The following RGL1 variants were observed in gnomAD, a reference collection of about 807,000 sequenced individuals.
RGL1 encodes ral guanine nucleotide dissociation stimulator like 1.
A neutral mutation model predicts 95.2 loss-of-function variants in RGL1; 24 were observed. The ratio of observed to expected loss-of-function variants is 0.25; its 90% CI spans 0.18 to 0.35. RGL1 has a LOEUF of 0.35. Among genes scored for constraint, RGL1 ranks in the 10% least tolerant of loss-of-function variants. The pLI is 1.00. For missense variants in RGL1, 715 were observed against 936.3 expected (o/e 0.76, Z 3.08); for synonymous variants, 329 against 344.9 (o/e 0.95, Z 0.51).
At chr1:183,884,280 G>C (rs933831885) in intron 6 of RGL1, among the ~76,000 whole-genome samples, 1 of 152,196 alleles carries the variant, frequency 6.6e-6, no homozygotes, top group Non-Finnish European at 1.5e-5. Flanking sequence ...CAAAGTATAA[G>C]TTAGAATAAA....
intron 1 of RGL1, among the ~76,000 whole-genome samples, chr1:183,671,541 C>G (rs1376526626): frequency 6.6e-6 from 1 of 152,040 alleles, no homozygotes; most frequent in Non-Finnish European, 1.5e-5. Context: ...TTTAGAAAGA[C>G]TAGTTTCTTC....
At chr1:183,885,850 T>G (rs1667077730) in intron 7 of RGL1, among the ~76,000 whole-genome samples, 1 of 152,108 alleles carries the variant, frequency 6.6e-6, no homozygotes, top group African/African-American at 2.4e-5. Flanking sequence ...AGAGAAATCA[T>G]TTCTGATGGG....
chr1:183,674,632 C>T lies in RGL1; in HGVS notation c.-33+38131C>T, dbSNP rs1002725999. ...TCATTACTGAAACATCAGTTTTCCT[C>T]AGAGAATAACCCCTGGTCTTCTGCC... On this transcript the variant is annotated intron_variant, in intron 1 of 18. Transcript: ENST00000304685. Among the ~76,000 whole-genome samples, 4 of 152,210 alleles carry T rather than the reference C, an allele frequency of 2.6e-5. No homozygotes were observed. In the South Asian group the frequency reaches 8.3e-4, roughly 32 times the overall value.
intron 1 of RGL1, among the ~76,000 whole-genome samples, chr1:183,700,187 T>C (rs990357519): frequency 6.6e-6 from 1 of 152,068 alleles, no homozygotes; most frequent in Non-Finnish European, 1.5e-5. Context: ...TAAAAAGCCA[T>C]ACTGCACCAC....
At chr1:183,647,646 G>T (rs10911388) in intron 1 of RGL1, 56,241 of 1,545,304 alleles carry the variant, frequency 0.036, 1,698 homozygotes, top group African/African-American at 0.15. Flanking sequence ...AAGTCCCTTG[G>T]TAATTGGTTT....
At chr1:183,703,141 C>T (rs993769951) in intron 1 of RGL1, among the ~76,000 whole-genome samples, 1 of 152,200 alleles carries the variant, frequency 6.6e-6, no homozygotes, top group African/African-American at 2.4e-5. Flanking sequence ...CACCTCCCCC[C>T]GCCGGCTTCC....
At chr1:183,849,482 A>AATTTTTTTTTTTTATT (rs150367802) in intron 3 of RGL1, among the ~76,000 whole-genome samples, 1 of 99,360 alleles carries the variant, frequency 1.0e-5, no homozygotes, top group Non-Finnish European at 1.9e-5. Context: ...TCCAGTTTTT[A>AATTTTTTTTTTTTATT]GTTTTTTTTT....
intron 2 of RGL1, among the ~76,000 whole-genome samples, chr1:183,835,693 CAGAG>C (rs1314814893): frequency 6.6e-6 from 1 of 152,030 alleles, no homozygotes; most frequent in Admixed American, 6.6e-5. Flanking sequence ...AGGATAATAC[CAGAG>C]ATAATACCAG....
chr1:183,661,375 T>C (rs1045331472), intron 1 of RGL1, among the ~76,000 whole-genome samples: 2 of 152,060 alleles, frequency 1.3e-5, no homozygotes, highest in Non-Finnish European at 2.9e-5. Flanking sequence ...ATAAAGGGGA[T>C]ATCACCACCA....
At chr1:183,809,015 T>C (rs896521351) in intron 2 of RGL1, among the ~76,000 whole-genome samples, 3 of 152,218 alleles carry the variant, frequency 2.0e-5, no homozygotes, top group African/African-American at 7.2e-5. Flanking sequence ...CTTTTCTTCA[T>C]GTCTAGAATG....
At chr1:183,677,628 G>T (rs1394456771) in intron 1 of RGL1, among the ~76,000 whole-genome samples, 1 of 152,206 alleles carries the variant, frequency 6.6e-6, no homozygotes, top group Non-Finnish European at 1.5e-5. Flanking sequence ...GTTTTCCAGA[G>T]AGGGTTTATA....
rs576041822 is a variant in RGL1 at position 183,849,855 on chromosome 1, T to C, written c.347+2081T>C. ...TTTTGAATATATATCTTCGGAATAGTTGGTTGAGAATTCTATAGGATAATG... is the reference window on the plus strand; with the variant it reads ...TTTTGAATATATATCTTCGGAATAGCTGGTTGAGAATTCTATAGGATAATG... On this transcript the variant is annotated intron_variant, in intron 3 of 17. Transcript: ENST00000360851. 8.8e-4 allele frequency among the ~76,000 whole-genome samples: 134 copies of C among 152,158 alleles called. 1 individual carries two copies. Among genetic ancestry groups the C allele is most frequent in the Admixed American group, 1.7e-3 (26 of 15,274 alleles).
chr1:183,801,881 A>G (rs867422523), upstream of RGL1, among the ~76,000 whole-genome samples: 2 of 152,312 alleles, frequency 1.3e-5, no homozygotes, highest in South Asian at 4.1e-4. Flanking sequence ...TAAAGTGAGA[A>G]CTCACACAAT....
At chr1:183,904,823 T>C in intron 12 of RGL1, 27 bp from the exon 13 acceptor site, 3 of 1,578,620 alleles carry the variant, frequency 1.9e-6, no homozygotes, top group Non-Finnish European at 2.6e-6. Flanking sequence ...CTTTTTTTTT[T>C]AATTTTTGGT....
intron 3 of RGL1, among the ~76,000 whole-genome samples, chr1:183,861,420 C>T (rs1328380217): frequency 1.3e-5 from 2 of 152,208 alleles, no homozygotes; most frequent in African/African-American, 4.8e-5. Context: ...AAACACTTCA[C>T]CTTACCAGAT....
In RGL1 at chr1:183,927,671, A is replaced by G. The variant is rs1236764056; in HGVS notation, c.*1379A>G. On this transcript the variant is annotated 3_prime_UTR_variant, in exon 18 of 18. Transcript: ENST00000360851. ...TGAGCTGTGCTGGGGTTTGAACTAAAAGCCATATGTGGAATATTGACATGT... is the reference window on the plus strand; with the variant it reads ...TGAGCTGTGCTGGGGTTTGAACTAAGAGCCATATGTGGAATATTGACATGT... 1 of 152,650 alleles carries G rather than the reference A, an allele frequency of 6.6e-6. No individual in the cohort carries two copies. Among genetic ancestry groups the G allele is most frequent in the Non-Finnish European group, 1.5e-5 (1 of 68,048 alleles). The allele number at this position is 152,650 out of a possible 1,614,324, so 9.5% of individuals were successfully genotyped here.
At chr1:183,769,714 G>C (rs1659181740) in intron 2 of RGL1, among the ~76,000 whole-genome samples, 1 of 152,196 alleles carries the variant, frequency 6.6e-6, no homozygotes, top group Admixed American at 6.5e-5. Context: ...TGTTTACCCT[G>C]ATAGGTAATC....
intron 2 of RGL1, among the ~76,000 whole-genome samples, chr1:183,744,170 T>A (rs906998639): frequency 6.6e-6 from 1 of 152,196 alleles, no homozygotes; most frequent in Non-Finnish European, 1.5e-5. Context: ...CTCACTACAG[T>A]TGTGTTTAAA....
chr1:183,891,026 A>G (rs1667387640), intron 8 of RGL1, among the ~76,000 whole-genome samples: 1 of 152,138 alleles, frequency 6.6e-6, no homozygotes. Flanking sequence ...TTTCCCTATA[A>G]TCCTTGACAT....
Sources: allele counts gnomAD v4.1 joint callset (sites outside exome capture counted in the v4.1 genomes callset), GRCh38; gene constraint gnomAD v4.1.1; transcripts MANE v1.5; gene names NCBI Gene and HGNC (gene_info 2026-07-23, HGNC 2026-07-21).